The following GRM1 variants were observed in gnomAD, a reference collection of about 807,000 sequenced individuals.
The protein encoded by GRM1 is glutamate metabotropic receptor 1.
In GRM1, 33 loss-of-function variants were observed where a neutral mutation model predicts 90.9. That is an observed-to-expected ratio of 0.36 (90% confidence interval 0.28 to 0.49). The LOEUF is 0.49. GRM1 is among the 20% of genes least tolerant of loss of function. The pLI is 0.99. For missense variants in GRM1, 1,190 were observed against 1,534.3 expected, an observed-to-expected ratio of 0.78 and a Z score of 3.75; for synonymous variants, 700 against 613.2, an observed-to-expected ratio of 1.14 and a Z score of -2.09.
intron 3 of GRM1, among the ~76,000 whole-genome samples, chr6:146,351,725 T>C (rs1785417538): frequency 6.6e-6 from 1 of 152,144 alleles, no homozygotes; most frequent in South Asian, 2.1e-4. Flanking sequence ...TAAGAAGAGA[T>C]TCATACTGAC....
At chr6:146,164,817 G>C (rs1161329715) in intron 2 of GRM1, among the ~76,000 whole-genome samples, 1 of 152,056 alleles carries the variant, frequency 6.6e-6, no homozygotes, top group Non-Finnish European at 1.5e-5. Flanking sequence ...ATCTTGGAAA[G>C]CCTTTACTGT....
upstream of GRM1, among the ~76,000 whole-genome samples, chr6:146,028,232 AGTGT>A (rs60190108): frequency 0.31 from 39,943 of 130,046 alleles, 5,901 homozygotes; most frequent in Middle Eastern, 0.42. Context: ...AGTGGAAGGG[AGTGT>A]GTGTGTGTGT....
chr6:146,380,077 T>C (rs1355130963), intron 5 of GRM1, among the ~76,000 whole-genome samples: 2 of 151,992 alleles, frequency 1.3e-5, no homozygotes, highest in African/African-American at 4.8e-5. Context: ...CAGCACAGTA[T>C]TGGTTCTTTC....
intron 1 of GRM1, among the ~76,000 whole-genome samples, chr6:146,154,930 T>G (rs547981894): frequency 1.1e-4 from 17 of 152,358 alleles, no homozygotes; most frequent in African/African-American, 4.1e-4. Flanking sequence ...AGGTACTCTA[T>G]TGATAGCAAA....
intron 1 of GRM1, among the ~76,000 whole-genome samples, chr6:146,064,484 T>C (rs1363817793): frequency 1.3e-5 from 2 of 152,186 alleles, no homozygotes; most frequent in African/African-American, 2.4e-5. Context: ...TTTCAGAAAA[T>C]ATTAAAACAT....
chr6:146,283,502 CACCTTGCAAATTAAA>C (rs1429888524), intron 2 of GRM1, among the ~76,000 whole-genome samples: 2 of 152,158 alleles, frequency 1.3e-5, no homozygotes, highest in African/African-American at 4.8e-5. Context: ...TAGTCATATT[CACCTTGCAAATTAAA>C]ACCAATGTCC....
intron 2 of GRM1, among the ~76,000 whole-genome samples, chr6:146,195,390 A>T (rs1008148588): frequency 6.6e-6 from 1 of 152,150 alleles, no homozygotes; most frequent in Non-Finnish European, 1.5e-5. Context: ...CTATCTCTTC[A>T]CCTCCTCAGA....
At chr6:146,409,072 T>A (rs984199847) in intron 7 of GRM1, among the ~76,000 whole-genome samples, 1 of 151,854 alleles carries the variant, frequency 6.6e-6, no homozygotes, top group African/African-American at 2.4e-5. Flanking sequence ...GCAAATGGGG[T>A]GGGGTATTTA....
intron 5 of GRM1, among the ~76,000 whole-genome samples, chr6:146,386,650 T>G (rs1776517185): frequency 1.3e-5 from 2 of 152,040 alleles, no homozygotes. Flanking sequence ...AATAACTCTA[T>G]AAAATGAATT....
At chr6:146,383,868 T>G (rs1231474823) in intron 5 of GRM1, among the ~76,000 whole-genome samples, 1 of 152,122 alleles carries the variant, frequency 6.6e-6, no homozygotes, top group Admixed American at 6.6e-5. Context: ...GAGTCCAGAC[T>G]TAGCCTTCTG....
chr6:146,312,867 C>A (rs1410092479), intron 3 of GRM1, among the ~76,000 whole-genome samples: 1 of 152,186 alleles, frequency 6.6e-6, no homozygotes, highest in East Asian at 1.9e-4. Flanking sequence ...AGATCTGATG[C>A]CCAACATAGG....
At chr6:146,152,265 T>C (rs1436882146) in intron 1 of GRM1, among the ~76,000 whole-genome samples, 1 of 152,056 alleles carries the variant, frequency 6.6e-6, no homozygotes, top group Non-Finnish European at 1.5e-5. Context: ...CTCTTATGGA[T>C]TCACATTCAC....
rs545370359 is a variant in GRM1 at position 146,349,717 on chromosome 6, T to C, written c.1187-2533T>C. Among the ~76,000 whole-genome samples, 29 of 152,258 alleles carry C rather than the reference T, an allele frequency of 1.9e-4. 1 individual carries two copies. In the South Asian group the frequency reaches 4.3e-3, roughly 23 times the overall value. ...TATGTTTTGTCTACATAATACCCCA[T>C]TGAAAAAAGCAGTGCCAGATGTATC... On this transcript the variant is annotated intron_variant, in intron 3 of 7. Transcript: ENST00000282753.
At chr6:146,381,959 G>GT (rs1026767221) in intron 5 of GRM1, among the ~76,000 whole-genome samples, 4 of 152,090 alleles carry the variant, frequency 2.6e-5, no homozygotes, top group Admixed American at 2.0e-4. Flanking sequence ...TGGTATAAAT[G>GT]TTTTAAGACA....
At chr6:146,370,051 A>G (rs1253674429) in intron 5 of GRM1, among the ~76,000 whole-genome samples, 2 of 152,040 alleles carry the variant, frequency 1.3e-5, no homozygotes, top group African/African-American at 2.4e-5. Context: ...CTCTTGTTGA[A>G]TTGACCCCTT....
chr6:146,217,967 A>G (rs1195504796), intron 2 of GRM1, among the ~76,000 whole-genome samples: 2 of 152,180 alleles, frequency 1.3e-5, no homozygotes, highest in African/African-American at 4.8e-5. Flanking sequence ...TGTTACACAT[A>G]TCTTTTTTCT....
intron 2 of GRM1, among the ~76,000 whole-genome samples, chr6:146,262,338 G>C (rs1359135587): frequency 2.0e-5 from 3 of 151,938 alleles, no homozygotes; most frequent in Non-Finnish European, 2.9e-5. Flanking sequence ...CTAGATTTTA[G>C]GAGTCATTAG....
intron 2 of GRM1, among the ~76,000 whole-genome samples, chr6:146,285,614 C>T (rs1357016016): frequency 6.6e-6 from 1 of 152,118 alleles, no homozygotes; most frequent in Non-Finnish European, 1.5e-5. Context: ...GAAAGCTATG[C>T]TATTCTTATC....
intron 2 of GRM1, among the ~76,000 whole-genome samples, chr6:146,238,899 C>T (rs2114724769): frequency 6.6e-6 from 1 of 152,224 alleles, no homozygotes; most frequent in East Asian, 1.9e-4. Flanking sequence ...GAAGGTTAAG[C>T]CTAAAAAATA....
Sources: allele counts gnomAD v4.1 joint callset (sites outside exome capture counted in the v4.1 genomes callset), GRCh38; gene constraint gnomAD v4.1.1; transcripts MANE v1.5; gene names NCBI Gene and HGNC (gene_info 2026-07-23, HGNC 2026-07-21).